The following ZNF800 variants were observed in gnomAD, a reference collection of about 807,000 sequenced individuals.
The protein encoded by ZNF800 is zinc finger protein 800.
A neutral mutation model predicts 59.5 loss-of-function variants in ZNF800; 13 were observed. That is an observed-to-expected ratio of 0.22 (90% confidence interval 0.14 to 0.35). The LOEUF is 0.35. Ranked by LOEUF, ZNF800 falls within the 10% of genes least tolerant of loss-of-function variation. ZNF800 has a pLI of 1.00. For synonymous variants in ZNF800, 266 were observed against 265.7 expected, an observed-to-expected ratio of 1.00 and a Z score of -0.01; for missense variants, 621 against 783.7, an observed-to-expected ratio of 0.79 and a Z score of 2.48.
At chr7:127,352,954 A>AAGG (rs3842180) in intron 1 of ZNF800, among the ~76,000 whole-genome samples, 117,912 of 151,782 alleles carry the variant, frequency 0.78, 46,056 homozygotes, top group East Asian at 0.95. Context: ...ATGATGAGAA[A>AAGG]AGGAACAAAA....
chr7:127,354,565 C>T (rs1282308403), intron 1 of ZNF800, among the ~76,000 whole-genome samples: 2 of 152,048 alleles, frequency 1.3e-5, no homozygotes, highest in Non-Finnish European at 2.9e-5. Context: ...ATTGCACATA[C>T]ATGAAATAGC....
chr7:127,361,375 G>A lies in ZNF800; in HGVS notation n.224+11967C>T, dbSNP rs149100689. 1,407 of 152,102 alleles carry A rather than the reference G, an allele frequency of 9.3e-3. 9 individuals are homozygous for A. The highest frequency in any genetic ancestry group is 0.012 in the Non-Finnish European group (818 of 68,028). 9.4% of individuals were successfully genotyped at this position (152,102 alleles called of 1,614,324 possible). ...GGAGGATTGCTTGAGGCCAGGATTC[G>A]ACACCAGCCTGAGCAACATAGAGAG... On this transcript the variant is annotated intron_variant and non_coding_transcript_variant, in intron 1 of 1. Coordinates refer to the ZNF800 transcript ENST00000485577.
In ZNF800 at chr7:127,373,974, G is replaced by C; in HGVS notation, c.1362C>G (p.Asp454Glu). The change falls in exon 5 of 6, where the codon GAC becomes GAG. Residue 454 changes from aspartate (D) to glutamate (E), a missense_variant. Around this residue, in one of 7 missense-constraint regions of ZNF800, gnomAD observed 185 missense variants for 177.6 expected, o/e 1.04. Transcript: ENST00000265827. ...GACTAGTTGATTTAGGGCTTTCAGA[G>C]TCTTGTTTAACTTTATTTTTCTGTG... ...PAAQKNKVKQ[D>E]SESPKSTSPS... 6.2e-7 allele frequency: 1 copy of C among 1,613,906 alleles called. No homozygotes were observed. The highest frequency in any genetic ancestry group is 1.1e-5 in the South Asian group (1 of 91,078).
chr7:127,365,671 T>C (rs1252821452), downstream of ZNF800, among the ~76,000 whole-genome samples: 1 of 152,066 alleles, frequency 6.6e-6, no homozygotes, highest in South Asian at 2.1e-4. Flanking sequence ...CGTGAACAAT[T>C]AGCAAAAGGT....
rs1262578847 is a variant in ZNF800 at position 127,392,183 on chromosome 7, G to C, written c.-182C>G. 4 of 394,870 alleles carry C rather than the reference G, an allele frequency of 1.0e-5. No individual in the cohort carries two copies. The highest frequency in any genetic ancestry group is 6.4e-4 in the Middle Eastern group (1 of 1,570). 24.5% of individuals were successfully genotyped at this position (394,870 alleles called of 1,614,324 possible). A position where few individuals can be genotyped will look rare whatever the true frequency, so the allele number is the denominator to read the frequency against. ...CTGGCGCAGCCTCCGCTGACCACGCGGGGGAACCCGGACTCGGGCCCGACG... is the reference window on the plus strand; with the variant it reads ...CTGGCGCAGCCTCCGCTGACCACGCCGGGGAACCCGGACTCGGGCCCGACG... On this transcript the variant is annotated 5_prime_UTR_variant, in exon 1 of 6. Transcript: ENST00000265827.
chr7:127,349,863 A>G (rs1033805125), intron 1 of ZNF800: 2 of 152,240 alleles, frequency 1.3e-5, no homozygotes, highest in Non-Finnish European at 2.9e-5. Context: ...TATTGGTGCT[A>G]CAGTCCAGCT....
rs1227308885 is a variant in ZNF800 at position 127,391,512 on chromosome 7, C to T, written c.46G>A (p.Gly16Arg). 1.9e-6 allele frequency: 3 copies of T among 1,613,996 alleles called. No individual in the cohort carries two copies. The highest frequency in any genetic ancestry group is 1.7e-5 in the Admixed American group (1 of 59,992). Residue 16 changes from glycine to arginine, a missense_variant, in exon 2 of 6, where the codon GGA (glycine) becomes AGA (arginine). By Grantham distance (125) the Gly-to-Arg change is moderately radical. This residue lies in a region of ZNF800 where 57 missense variants were observed against 77.1 expected (regional missense o/e 0.74). Transcript: ENST00000265827. ...KYCQTDHHHHGCCEPVYILEP... is the reference protein window; with the variant it reads ...KYCQTDHHHHRCCEPVYILEP... ...AGGGGTCTACCTGGTTCACAGCATC[C>T]GTGATGATGGTGGTCAGTCTGACAG...
intron 3 of ZNF800, among the ~76,000 whole-genome samples, chr7:127,381,210 G>T (rs1800965451): frequency 6.6e-6 from 1 of 152,082 alleles, no homozygotes; most frequent in African/African-American, 2.4e-5. Context: ...TTCTTAAATG[G>T]TATACTGCTT....
intron 1 of ZNF800, among the ~76,000 whole-genome samples, chr7:127,348,951 C>T (rs543430246): frequency 6.6e-5 from 10 of 152,010 alleles, no homozygotes; most frequent in African/African-American, 1.2e-4. Context: ...AAAAGTTCTG[C>T]GTAAATTACA....
At chr7:127,368,487 C>T (rs11563633), downstream of ZNF800, among the ~76,000 whole-genome samples, 3,138 of 152,202 alleles carry the variant, frequency 0.021, 51 homozygotes, top group Non-Finnish European at 0.031. Flanking sequence ...AAATCATAAT[C>T]CTGATAATCT....
At position 127,373,311 on chromosome 7, in the gene ZNF800, A is replaced by G. The variant is rs1441202038; in HGVS notation, c.1994+31T>C. On this transcript the variant is annotated intron_variant, in intron 5 of 5. Transcript: ENST00000265827. ...TTTTTTTTTTAGTTCGATGGGGGGA[A>G]AAAAGCAAAACTCTGTTAACTGTTC... is the stretch of plus-strand genomic sequence containing the variant. The G allele has an allele frequency of 5.9e-6, 9 of 1,536,894 alleles. No individual in the cohort carries two copies. The South Asian group carries it at 1.0e-4, about 17-fold the overall frequency.
At chr7:127,372,536 T>G in intron 5 of ZNF800, 1 of 869,166 alleles carries the variant, frequency 1.2e-6, no homozygotes, top group Non-Finnish European at 1.4e-6. Flanking sequence ...AATTTTACTT[T>G]TCTTACGACA....
rs770244060 is a variant in ZNF800 at position 127,374,828 on chromosome 7, T to A, written c.508A>T (p.Ile170Leu). 2.5e-6 allele frequency: 4 copies of A among 1,613,414 alleles called. No individual in the cohort carries two copies. In the African/African-American group the frequency reaches 4.0e-5, roughly 16 times the overall value. ...GACTGTTCAGTGCTAGTTTCCTGTA[T>A]CTGAACTTCGGTTTGTTCAGGAGTA... ...SSTPEQTEVQ[I>L]QETSTEQSKT... The change falls in exon 5 of 6, where the codon ATA becomes TTA. Residue 170 changes from isoleucine (I) to leucine (L), a missense_variant. By Grantham distance (5) the Ile-to-Leu change is conservative. This residue lies in a region of ZNF800 where 218 missense variants were observed against 230.8 expected (regional missense o/e 0.94). Coordinates refer to ENST00000265827, the MANE Select transcript of ZNF800 (RefSeq NM_176814.5).
At position 127,392,266 on chromosome 7, in the gene ZNF800, C is replaced by G; in HGVS notation, c.-265G>C. ...GGAAGCGCCACAGCTCACCACGTCCCTCCGCGGGCCGAGACGACTGCGGCG... is the reference window on the plus strand; with the variant it reads ...GGAAGCGCCACAGCTCACCACGTCCGTCCGCGGGCCGAGACGACTGCGGCG... On this transcript the variant is annotated 5_prime_UTR_variant, in exon 1 of 6. Transcript: ENST00000265827. 1 of 392,778 alleles carries G rather than the reference C, an allele frequency of 2.5e-6. No individual in the cohort carries two copies. Among genetic ancestry groups the G allele is most frequent in the Non-Finnish European group, 4.5e-6 (1 of 222,114 alleles). The allele number at this position is 392,778 out of a possible 1,614,324, so 24.3% of individuals were successfully genotyped here.
At chr7:127,375,316 C>T (rs1434841839) in intron 4 of ZNF800, among the ~76,000 whole-genome samples, 1 of 152,032 alleles carries the variant, frequency 6.6e-6, no homozygotes, top group Non-Finnish European at 1.5e-5. Flanking sequence ...TATATAAGCA[C>T]TTAGGTGTCC....
downstream of ZNF800, among the ~76,000 whole-genome samples, chr7:127,346,304 G>A (rs1800062525): frequency 6.6e-6 from 1 of 152,222 alleles, no homozygotes; most frequent in African/African-American, 2.4e-5. Context: ...TGAGACTACA[G>A]TAGGAACAAC....
At chr7:127,355,051 T>C (rs1800242575) in intron 1 of ZNF800, among the ~76,000 whole-genome samples, 1 of 152,048 alleles carries the variant, frequency 6.6e-6, no homozygotes, top group Non-Finnish European at 1.5e-5. Context: ...TGAGTAAATA[T>C]TAAATGTAAG....
intron 1 of ZNF800, chr7:127,363,518 C>A (rs1428599892): frequency 6.6e-6 from 1 of 151,748 alleles, no homozygotes; most frequent in Non-Finnish European, 1.5e-5. Context: ...AAAAAAAAGA[C>A]AGGACTCCTA....
intron 5 of ZNF800, 136 bp downstream of exon 5, chr7:127,373,206 C>T (rs1379710437): frequency 6.2e-6 from 9 of 1,462,008 alleles, no homozygotes; most frequent in African/African-American, 1.4e-5. Context: ...ATGCACATTA[C>T]TCTTGCAGTT....
Sources: gnomAD v4.1 joint callset for allele counts (sites outside exome capture counted in the v4.1 genomes callset) on GRCh38, gnomAD v4.1.1 for gene constraint, gnomAD v4.1.1 regional missense constraint, MANE v1.5 for transcripts, NCBI Gene and HGNC (gene_info 2026-07-23, HGNC 2026-07-21) for gene names.